The following RPH3AL variants were observed in gnomAD, a reference collection of about 807,000 sequenced individuals.
The protein encoded by RPH3AL is rabphilin 3A like (without C2 domains).
A neutral mutation model predicts 43.1 loss-of-function variants in RPH3AL; 38 were observed. The observed-to-expected ratio is 0.88, with a 90% CI of 0.68 to 1.15. The LOEUF (loss-of-function observed/expected upper bound fraction) is 1.15. RPH3AL is among the 50% of genes most tolerant of loss of function. The pLI is 0.00. For missense variants in RPH3AL, 462 were observed against 423.2 expected, an observed-to-expected ratio of 1.09 and a Z score of -0.81; for synonymous variants, 189 against 176.3, an observed-to-expected ratio of 1.07 and a Z score of -0.57.
At chr17:226,102 C>A (rs1250662602) in intron 7 of RPH3AL, among the ~76,000 whole-genome samples, 1 of 152,236 alleles carries the variant, frequency 6.6e-6, no homozygotes, top group Non-Finnish European at 1.5e-5. Context: ...CAGGGTGCCA[C>A]CTGGCCTAGT....
chr17:219,574 G>A (rs760989873), intron 8 of RPH3AL, 49 bp downstream of exon 8: 4 of 729,002 alleles, frequency 5.5e-6, no homozygotes, highest in Admixed American at 2.1e-5. Context: ...TGCCCAGGCT[G>A]GAGTGCACCG....
chr17:277,088 A>C (rs1198968578), intron 6 of RPH3AL, among the ~76,000 whole-genome samples: 4 of 152,228 alleles, frequency 2.6e-5, no homozygotes, highest in Non-Finnish European at 5.9e-5. Context: ...ATCCATTCTA[A>C]GGATAGAATC....
rs1222027973 is a variant in RPH3AL at position 272,955 on chromosome 17, GCTA to G, written c.438+8810_438+8812del. 1.9e-3 allele frequency among the ~76,000 whole-genome samples: 79 copies of G among 41,078 alleles called. 2 individuals are homozygous for G. Among genetic ancestry groups the G allele is most frequent in the African/African-American group, 3.4e-3 (52 of 15,358 alleles). The allele number at this position is 41,078 out of a possible 152,430, so 26.9% of individuals were successfully genotyped here. On this transcript the variant is annotated intron_variant, in intron 6 of 9. Transcript: ENST00000331302. ...ACATCAGGGAGAGACCCCAGCAAGG[GCTA>G]CGTCAGGGTGAGACCCCAGCAAGGG... is the stretch of plus-strand genomic sequence containing the variant.
chr17:271,772 C>A (rs978605038), intron 6 of RPH3AL, among the ~76,000 whole-genome samples: 5 of 152,286 alleles, frequency 3.3e-5, no homozygotes, highest in Non-Finnish European at 5.9e-5. Flanking sequence ...CTTTCTCCTG[C>A]CTGATTGCCC....
intron 9 of RPH3AL, among the ~76,000 whole-genome samples, chr17:214,952 C>T (rs1269054302): frequency 6.6e-6 from 1 of 152,064 alleles, no homozygotes; most frequent in Non-Finnish European, 1.5e-5. Flanking sequence ...AGATGCCTCC[C>T]GGATGCTCTG....
At chr17:299,966 C>T (rs141976225) in intron 5 of RPH3AL, among the ~76,000 whole-genome samples, 125 of 148,752 alleles carry the variant, frequency 8.4e-4, no homozygotes, top group African/African-American at 2.4e-3. Flanking sequence ...AGCCTAGGCC[C>T]GCAGAATCTC....
At chr17:231,990 TCAGGACATCTGTTCTGGGGGCGGCC>T (rs1238161917) in intron 7 of RPH3AL, among the ~76,000 whole-genome samples, 1 of 152,248 alleles carries the variant, frequency 6.6e-6, no homozygotes, top group Non-Finnish European at 1.5e-5. Context: ...TCATTTGTGC[TCAGGACATCTGTTCTGGGGGCGGCC>T]CCTCCATTCA....
At chr17:286,953 G>A (rs796678286) in intron 5 of RPH3AL, among the ~76,000 whole-genome samples, 15,321 of 66,190 alleles carry the variant, frequency 0.23, 4,436 homozygotes, top group Non-Finnish European at 0.33. Context: ...TCTCTCCACC[G>A]TCAGACCTCG....
intron 7 of RPH3AL, among the ~76,000 whole-genome samples, chr17:243,848 T>C (rs1041011458): frequency 2.0e-5 from 3 of 151,046 alleles, no homozygotes; most frequent in African/African-American, 7.3e-5. Flanking sequence ...TACCTTCCTC[T>C]GATTACCTTC....
chr17:258,370 C>T (rs144061643), intron 6 of RPH3AL, among the ~76,000 whole-genome samples: 3 of 152,348 alleles, frequency 2.0e-5, no homozygotes, highest in Admixed American at 1.3e-4. Flanking sequence ...TCTCAACCTA[C>T]AGTCTGCCAC....
At chr17:294,671 ACAGAGATGCTGCAGAAATGGACGGG>A (rs2043130133) in intron 5 of RPH3AL, among the ~76,000 whole-genome samples, 3 of 58,980 alleles carry the variant, frequency 5.1e-5, no homozygotes, top group African/African-American at 2.0e-4. Context: ...TGTGGGAGGG[ACAGAGATGCTGCAGAAATGGACGGG>A]CAGAGGGAAT....
chr17:244,548 G>A (rs1567579592), intron 7 of RPH3AL, among the ~76,000 whole-genome samples: 1 of 152,118 alleles, frequency 6.6e-6, no homozygotes, highest in Non-Finnish European at 1.5e-5. Context: ...GAAAGGGACT[G>A]TGGGGCAGGA....
At chr17:270,824 G>C (rs970087820) in intron 6 of RPH3AL, among the ~76,000 whole-genome samples, 2 of 152,136 alleles carry the variant, frequency 1.3e-5, no homozygotes, top group African/African-American at 4.8e-5. Context: ...CATTGCTTTT[G>C]GTGTTTTAGA....
At chr17:314,507 C>G (rs1555518233) in intron 5 of RPH3AL, among the ~76,000 whole-genome samples, 2 of 138,820 alleles carry the variant, frequency 1.4e-5, no homozygotes, top group Admixed American at 7.4e-5. Context: ...TACTCCACGT[C>G]CATTGACCTG....
intron 5 of RPH3AL, among the ~76,000 whole-genome samples, chr17:297,647 G>A (rs2043216037): frequency 6.6e-6 from 1 of 152,224 alleles, no homozygotes; most frequent in South Asian, 2.1e-4. Flanking sequence ...AAACCACTTT[G>A]CTTGGTGTTT....
intron 6 of RPH3AL, among the ~76,000 whole-genome samples, chr17:263,106 A>G (rs1234502522): frequency 1.3e-5 from 2 of 152,160 alleles, no homozygotes; most frequent in African/African-American, 4.8e-5. Flanking sequence ...TAGCTAAAGA[A>G]CAGAATCTAC....
chr17:278,991 G>A (rs998122932), intron 6 of RPH3AL, among the ~76,000 whole-genome samples: 1 of 152,144 alleles, frequency 6.6e-6, no homozygotes, highest in African/African-American at 2.4e-5. Flanking sequence ...CGAAAGGAAA[G>A]GAAGATAAGA....
chr17:325,604 G>GTT (rs2044600964), intron 3 of RPH3AL, among the ~76,000 whole-genome samples: 1 of 152,170 alleles, frequency 6.6e-6, no homozygotes, highest in Non-Finnish European at 1.5e-5. Context: ...GATCCCCAGA[G>GTT]TAAGTCACAC....
At chr17:337,107 G>A (rs74967822) in intron 1 of RPH3AL, among the ~76,000 whole-genome samples, 1,955 of 134,112 alleles carry the variant, frequency 0.015, 53 homozygotes, top group African/African-American at 0.05. Context: ...TACGTACATC[G>A]GTTACGCACC....
Sources: allele counts gnomAD v4.1 joint callset (sites outside exome capture counted in the v4.1 genomes callset), GRCh38; gene constraint gnomAD v4.1.1; transcripts MANE v1.5; gene names NCBI Gene and HGNC (gene_info 2026-07-23, HGNC 2026-07-21).